Variants in KCNMA1 observed in about 807,000 individuals in gnomAD.
KCNMA1 encodes potassium calcium-activated channel subfamily M alpha 1.
Under a neutral mutation model 140.0 loss-of-function variants are expected in KCNMA1, and 29 were observed. That is an observed-to-expected ratio of 0.21 (90% CI 0.15 to 0.28). The LOEUF (loss-of-function observed/expected upper bound fraction) is 0.28. Among genes scored for constraint, KCNMA1 ranks in the 10% least tolerant of loss-of-function variants. The pLI is 1.00. For missense variants in KCNMA1, 880 were observed against 1,602.2 expected, an observed-to-expected ratio of 0.55 and a Z score of 7.70; for synonymous variants, 612 against 611.9, an observed-to-expected ratio of 1.00 and a Z score of 0.00.
intron 17 of KCNMA1, chr10:77,012,588 T>G: frequency 6.6e-7 from 1 of 1,521,962 alleles, no homozygotes; most frequent in Non-Finnish European, 8.9e-7. Context: ...AAGCCACGAG[T>G]CAGTGGGTTC....
intron 1 of KCNMA1, among the ~76,000 whole-genome samples, chr10:77,622,982 A>C (rs1030434062): frequency 2.0e-5 from 3 of 152,236 alleles, no homozygotes; most frequent in Non-Finnish European, 4.4e-5. Context: ...AGTAAAAAGG[A>C]ACATGGGTGA....
chr10:77,004,249 AC>A (rs1232951299), intron 18 of KCNMA1, among the ~76,000 whole-genome samples: 1 of 151,860 alleles, frequency 6.6e-6, no homozygotes, highest in Non-Finnish European at 1.5e-5. Context: ...ACACACACAC[AC>A]ACAAAATCAG....
At chr10:77,012,074 T>C (rs201129775) in intron 17 of KCNMA1, 31 bp from the exon 18 acceptor site, 1,241 of 1,612,946 alleles carry the variant, frequency 7.7e-4, no homozygotes, top group Non-Finnish European at 8.4e-4. Flanking sequence ...AACTGACACG[T>C]TTCATAATCC....
chr10:77,361,203 T>C (rs1214838709), intron 2 of KCNMA1, among the ~76,000 whole-genome samples: 2 of 152,190 alleles, frequency 1.3e-5, no homozygotes, highest in East Asian at 1.9e-4. Flanking sequence ...GAATAGGCAA[T>C]TGGTAACTCT....
chr10:77,037,452 G>A (rs536845048), intron 15 of KCNMA1, among the ~76,000 whole-genome samples: 4 of 152,244 alleles, frequency 2.6e-5, no homozygotes, highest in East Asian at 1.9e-4. Context: ...TGATATCTAC[G>A]TGAGTCAAAC....
chr10:76,870,882 G>A (rs949149235), exon 28 of KCNMA1: 16 of 152,252 alleles, frequency 1.1e-4, no homozygotes, highest in African/African-American at 3.9e-4. Flanking sequence ...CTTTTGACTT[G>A]TGCCTCACCA....
chr10:76,963,118 T>C lies in KCNMA1; in HGVS notation c.2360+6856A>G, dbSNP rs1013693922. 2.0e-5 allele frequency among the ~76,000 whole-genome samples: 3 copies of C among 152,316 alleles called. No homozygotes were observed. The East Asian group carries it at 5.8e-4, about 29-fold the overall frequency. ...AATCAGCAGGGAGGACTCATGTCAG[T>C]GGTCAGACAGATGTTCTTAATTAAG... On this transcript the variant is annotated intron_variant, in intron 20 of 27. Coordinates refer to ENST00000286628, the MANE Select transcript of KCNMA1 (RefSeq NM_001161352.2).
intron 1 of KCNMA1, among the ~76,000 whole-genome samples, chr10:77,605,613 G>A (rs556731898): frequency 1.1e-4 from 16 of 152,276 alleles, no homozygotes; most frequent in East Asian, 7.7e-4. Context: ...TGGGACAGTC[G>A]TCAGGGGTGT....
At chr10:77,552,828 C>T (rs1466925044) in intron 1 of KCNMA1, among the ~76,000 whole-genome samples, 1 of 152,170 alleles carries the variant, frequency 6.6e-6, no homozygotes, top group Non-Finnish European at 1.5e-5. Context: ...GCAGGCCGAT[C>T]ACTTGAGGCC....
intron 1 of KCNMA1, among the ~76,000 whole-genome samples, chr10:77,470,051 G>A (rs1458270695): frequency 6.6e-6 from 1 of 152,118 alleles, no homozygotes; most frequent in Non-Finnish European, 1.5e-5. Context: ...TGGTGAGAAG[G>A]AGGCCAGGGT....
intron 24 of KCNMA1, chr10:76,914,532 G>A (rs191809527): frequency 9.0e-6 from 3 of 332,234 alleles, no homozygotes; most frequent in East Asian, 6.7e-5. Context: ...CCGAGGCTTT[G>A]TATATCAGTG....
intron 3 of KCNMA1, among the ~76,000 whole-genome samples, chr10:77,227,326 A>T (rs1447976250): frequency 1.3e-5 from 2 of 152,198 alleles, no homozygotes; most frequent in Non-Finnish European, 2.9e-5. Context: ...CCCCAGAAGA[A>T]GCTAATGAAT....
intron 2 of KCNMA1, among the ~76,000 whole-genome samples, chr10:77,374,410 A>T (rs1226595601): frequency 6.6e-6 from 1 of 152,246 alleles, no homozygotes; most frequent in East Asian, 1.9e-4. Context: ...TATCCACACA[A>T]AAAAACTATT....
At chr10:77,099,571 G>A (rs902813269) in intron 9 of KCNMA1, among the ~76,000 whole-genome samples, 1 of 152,084 alleles carries the variant, frequency 6.6e-6, no homozygotes, top group African/African-American at 2.4e-5. Flanking sequence ...AAAATTAGCT[G>A]GGCATGGTGG....
intron 2 of KCNMA1, among the ~76,000 whole-genome samples, chr10:77,339,020 A>G (rs1373794738): frequency 5.3e-5 from 8 of 152,214 alleles, no homozygotes; most frequent in Non-Finnish European, 7.3e-5. Context: ...AGGAAGGCAG[A>G]CATTGAAAAG....
chr10:77,341,337 G>C (rs188396881), intron 2 of KCNMA1, among the ~76,000 whole-genome samples: 109 of 152,296 alleles, frequency 7.2e-4, no homozygotes, highest in Admixed American at 1.6e-3. Context: ...CTATGAGCTT[G>C]TCTGTCTCAT....
intron 23 of KCNMA1, among the ~76,000 whole-genome samples, chr10:76,922,659 A>G (rs1344372740): frequency 6.6e-6 from 1 of 152,206 alleles, no homozygotes; most frequent in Non-Finnish European, 1.5e-5. Context: ...CATGGGGTGA[A>G]TGAAAACAGG....
chr10:77,009,534 C>T (rs2090173006), intron 18 of KCNMA1, among the ~76,000 whole-genome samples: 1 of 152,166 alleles, frequency 6.6e-6, no homozygotes, highest in African/African-American at 2.4e-5. Flanking sequence ...GCTCTCCATC[C>T]AGACACCAGG....
At chr10:77,579,294 GT>G (rs1398951138) in intron 1 of KCNMA1, among the ~76,000 whole-genome samples, 1 of 152,220 alleles carries the variant, frequency 6.6e-6, no homozygotes, top group Non-Finnish European at 1.5e-5. Flanking sequence ...AGGGGTGTCA[GT>G]GACAAATGGC....
Sources: allele counts gnomAD v4.1 joint callset (sites outside exome capture counted in the v4.1 genomes callset), GRCh38; gene constraint gnomAD v4.1.1; transcripts MANE v1.5; gene names NCBI Gene and HGNC (gene_info 2026-07-23, HGNC 2026-07-21).